Variants in MINDY4 observed in about 807,000 individuals in gnomAD.
MINDY4 encodes probable ubiquitin carboxyl-terminal hydrolase MINDY-4.
A neutral mutation model predicts 87.0 loss-of-function variants in MINDY4; 68 were observed. That is an observed-to-expected ratio of 0.78 (90% CI 0.64 to 0.96). The LOEUF (loss-of-function observed/expected upper bound fraction) is 0.96, where lower values mean the gene tolerates loss of function less well. MINDY4 is among the 40% of genes least tolerant of loss of function. The probability of loss-of-function intolerance (pLI) is 0.00; values close to 1 mark genes in which losing one functional copy is unlikely to be tolerated. For missense variants in MINDY4, 919 were observed against 928.2 expected (o/e 0.99, Z 0.13); for synonymous variants, 379 against 363.2 (o/e 1.04, Z -0.50).
chr7:30,788,710 TTGTC>T (rs1205986153), intron 4 of MINDY4, among the ~76,000 whole-genome samples: 2 of 152,172 alleles, frequency 1.3e-5, no homozygotes, highest in Admixed American at 6.5e-5. Context: ...TAACCATAGT[TTGTC>T]TGTCAGTGGT....
intron 15 of MINDY4, among the ~76,000 whole-genome samples, chr7:30,877,405 C>T (rs1438375928): frequency 1.3e-5 from 2 of 152,196 alleles, no homozygotes; most frequent in Non-Finnish European, 2.9e-5. Context: ...GAAATTCAGG[C>T]CCTACAACCA....
chr7:30,829,046 T>G (rs17159487), intron 6 of MINDY4, among the ~76,000 whole-genome samples: 32,534 of 152,126 alleles, frequency 0.21, 4,214 homozygotes, highest in African/African-American at 0.35. Flanking sequence ...GTAAGTTAAC[T>G]AAGGTCTCCA....
chr7:30,847,209 T>C (rs530913627), intron 9 of MINDY4, among the ~76,000 whole-genome samples: 1 of 152,314 alleles, frequency 6.6e-6, no homozygotes, highest in Non-Finnish European at 1.5e-5. Context: ...CCAACTCTAC[T>C]GTGTTTTCTA....
intron 5 of MINDY4, among the ~76,000 whole-genome samples, chr7:30,824,906 A>G (rs1456315739): frequency 6.6e-6 from 1 of 152,040 alleles, no homozygotes; most frequent in Admixed American, 6.5e-5. Flanking sequence ...CAAGCCAAGG[A>G]TTCAGTTATT....
intron 5 of MINDY4, among the ~76,000 whole-genome samples, chr7:30,810,661 A>C (rs1166321795): frequency 6.6e-6 from 1 of 152,198 alleles, no homozygotes; most frequent in Non-Finnish European, 1.5e-5. Flanking sequence ...AGAGTCTATA[A>C]AAATCTTACC....
intron 6 of MINDY4, among the ~76,000 whole-genome samples, chr7:30,835,543 G>T (rs1788832123): frequency 6.6e-6 from 1 of 152,214 alleles, no homozygotes; most frequent in African/African-American, 2.4e-5. Flanking sequence ...CCCAGTGGTA[G>T]AATCTATGTG....
At chr7:30,855,794 C>A (rs531873541) in intron 12 of MINDY4, among the ~76,000 whole-genome samples, 1 of 152,238 alleles carries the variant, frequency 6.6e-6, no homozygotes, top group Non-Finnish European at 1.5e-5. Context: ...TCAAAGCAGT[C>A]GCCTCCTCGC....
At chr7:30,777,456 A>C (rs535750775) in intron 1 of MINDY4, among the ~76,000 whole-genome samples, 1 of 151,870 alleles carries the variant, frequency 6.6e-6, no homozygotes, top group African/African-American at 2.4e-5. Flanking sequence ...CCATATATCC[A>C]TTTCTTTCCA....
intron 5 of MINDY4, among the ~76,000 whole-genome samples, chr7:30,803,891 G>A (rs1787731641): frequency 6.6e-6 from 1 of 152,212 alleles, no homozygotes; most frequent in Non-Finnish European, 1.5e-5. Context: ...AAGGATCATG[G>A]CATTTATTTA....
intron 6 of MINDY4, among the ~76,000 whole-genome samples, chr7:30,834,513 G>A (rs564676831): frequency 3.9e-5 from 6 of 152,350 alleles, no homozygotes; most frequent in Admixed American, 3.9e-4. Context: ...GGGAGGGCGT[G>A]CCATGAAGAC....
In MINDY4 at chr7:30,839,274, T is replaced by A. The variant is rs1413937589; in HGVS notation, c.1314T>A (p.Phe438Leu). Reference sequence around the variant, plus strand: ...AATGGAAACTTCAGAGTTTTTCCTTTAGTAACACAGCCTCATTAAAATACG... The same window carrying A: ...AATGGAAACTTCAGAGTTTTTCCTTAAGTAACACAGCCTCATTAAAATACG... ...NEEWKLQSFSFSNTASLKYGI... is the reference protein window; with the variant it reads ...NEEWKLQSFSLSNTASLKYGI... The change falls in exon 8 of 18, where the codon TTT becomes TTA. Residue 438 changes from phenylalanine (F) to leucine (L), a missense_variant. Coordinates refer to ENST00000265299, the MANE Select transcript of MINDY4 (RefSeq NM_032222.3). 2 of 1,612,650 alleles carry A rather than the reference T, an allele frequency of 1.2e-6. No individual in the cohort carries two copies. Among genetic ancestry groups the A allele is most frequent in the Admixed American group, 1.7e-5 (1 of 59,792 alleles).
At chr7:30,875,861 C>A (rs1790241991) in intron 15 of MINDY4, among the ~76,000 whole-genome samples, 1 of 152,196 alleles carries the variant, frequency 6.6e-6, no homozygotes, top group South Asian at 2.1e-4. Flanking sequence ...CCAGCTGATA[C>A]CGTGTTCTGG....
At chr7:30,846,193 TC>T (rs1354222790) in intron 9 of MINDY4, among the ~76,000 whole-genome samples, 1 of 152,150 alleles carries the variant, frequency 6.6e-6, no homozygotes, top group African/African-American at 2.4e-5. Flanking sequence ...GGCCAGCCTT[TC>T]TACCCCCTAT....
chr7:30,851,827 C>T (rs753142744), intron 10 of MINDY4, among the ~76,000 whole-genome samples: 16 of 152,176 alleles, frequency 1.1e-4, no homozygotes, highest in Non-Finnish European at 2.4e-4. Flanking sequence ...GGGGGAGCCT[C>T]GGAGAGGATG....
chr7:30,850,705 T>G (rs62449091), intron 10 of MINDY4, 150 bp downstream of exon 10: 44,403 of 713,118 alleles, frequency 0.062, 1,823 homozygotes, highest in Non-Finnish European at 0.071. Context: ...CCTGATGTGC[T>G]GAGCAGCCGC....
At chr7:30,809,795 G>A (rs1787927994) in intron 5 of MINDY4, among the ~76,000 whole-genome samples, 1 of 147,992 alleles carries the variant, frequency 6.8e-6, no homozygotes, top group Non-Finnish European at 1.5e-5. Flanking sequence ...AAAAAAAAAG[G>A]GGGAAAAAAA....
At chr7:30,888,467 C>T (rs1398025554) in intron 17 of MINDY4, among the ~76,000 whole-genome samples, 3 of 152,334 alleles carry the variant, frequency 2.0e-5, no homozygotes, top group Non-Finnish European at 4.4e-5. Flanking sequence ...CTGTCAGCCG[C>T]CTCCTGCATT....
chr7:30,886,189 G>T (rs778354988), intron 17 of MINDY4, among the ~76,000 whole-genome samples: 1 of 152,104 alleles, frequency 6.6e-6, no homozygotes, highest in South Asian at 2.1e-4. Flanking sequence ...CATCTTGCTC[G>T]GTAGGTGGGG....
intron 6 of MINDY4, 62 bp downstream of exon 6, chr7:30,828,799 T>C (rs1788600000): frequency 6.4e-7 from 1 of 1,562,922 alleles, no homozygotes; most frequent in Non-Finnish European, 8.7e-7. Context: ...TCGTTGGCTC[T>C]GTCTGGGAGA....
Sources: allele counts gnomAD v4.1 joint callset (sites outside exome capture counted in the v4.1 genomes callset), GRCh38; gene constraint gnomAD v4.1.1; transcripts MANE v1.5; gene names NCBI Gene and HGNC (gene_info 2026-07-23, HGNC 2026-07-21).